Variants in CRIM1 observed in about 807,000 individuals in gnomAD.
CRIM1 encodes the protein cysteine rich transmembrane BMP regulator 1.
CRIM1 carries 32 observed loss-of-function variants against 116.4 expected under a neutral mutation model. The observed-to-expected ratio is 0.27, with a 90% CI of 0.21 to 0.37. CRIM1 has a LOEUF of 0.37. Ranked by LOEUF, CRIM1 falls within the 10% of genes least tolerant of loss-of-function variation. The probability of loss-of-function intolerance (pLI) is 1.00; values close to 1 mark genes in which losing one functional copy is unlikely to be tolerated. For synonymous variants in CRIM1, 590 were observed against 509.2 expected (o/e 1.16, Z -2.13); for missense variants, 1,331 against 1,354.8 (o/e 0.98, Z 0.28).
At chr2:36,359,461 G>C (rs1669078278) in intron 1 of CRIM1, among the ~76,000 whole-genome samples, 2 of 152,270 alleles carry the variant, frequency 1.3e-5, no homozygotes, top group Non-Finnish European at 1.5e-5. Flanking sequence ...AAATGAGTTA[G>C]ATAAATCATG....
intron 6 of CRIM1, among the ~76,000 whole-genome samples, chr2:36,478,326 A>G (rs528149490): frequency 6.6e-6 from 1 of 152,210 alleles, no homozygotes. Context: ...TTTGTTCCCT[A>G]CCTGCCCCCA....
intron 2 of CRIM1, among the ~76,000 whole-genome samples, chr2:36,429,145 A>G (rs1674679346): frequency 6.6e-6 from 1 of 152,250 alleles, no homozygotes; most frequent in Admixed American, 6.5e-5. Flanking sequence ...CCCAATCCCC[A>G]TAACATTTAT....
intron 8 of CRIM1, among the ~76,000 whole-genome samples, chr2:36,505,765 C>T (rs950073041): frequency 2.7e-5 from 4 of 149,950 alleles, no homozygotes; most frequent in African/African-American, 7.4e-5. Flanking sequence ...ATGATGATTC[C>T]CCATTTTTAA....
At chr2:36,531,703 T>C (rs1052008607) in intron 13 of CRIM1, 1 of 321,464 alleles carries the variant, frequency 3.1e-6, no homozygotes, top group African/African-American at 2.2e-5. Flanking sequence ...GGAATTAACA[T>C]TTCAAGGCCT....
intron 4 of CRIM1, among the ~76,000 whole-genome samples, chr2:36,452,011 A>G (rs1446963260): frequency 6.6e-6 from 1 of 152,132 alleles, no homozygotes; most frequent in Admixed American, 6.5e-5. Flanking sequence ...ATCCCTGCAT[A>G]TGCATTTTCA....
chr2:36,540,765 C>T (rs1410105903), intron 14 of CRIM1, among the ~76,000 whole-genome samples: 1 of 152,098 alleles, frequency 6.6e-6, no homozygotes, highest in African/African-American at 2.4e-5. Context: ...CAGAGAGAGA[C>T]CAGAGGCCAG....
chr2:36,452,446 C>T (rs1051574763), intron 4 of CRIM1, among the ~76,000 whole-genome samples: 4 of 152,036 alleles, frequency 2.6e-5, no homozygotes, highest in Non-Finnish European at 5.9e-5. Context: ...CCCAAAAGAG[C>T]GAGTCAACTC....
chr2:36,499,297 A>G lies in CRIM1; in HGVS notation c.1451A>G (p.Asn484Ser), dbSNP rs1680822671. ...NCTLTGKDCI[N>S]GFKRDHNGCR... ...ACTCTGACAGGGAAGGACTGCATTA[A>G]TGGTTTCAAACGCGATCACAATGGT... The change falls in exon 8 of 17, where the codon AAT (asparagine) becomes AGT (serine). Residue 484 changes from asparagine (N) to serine (S), a missense_variant. Asn to Ser is a conservative substitution (Grantham distance 46, BLOSUM62 1). Coordinates refer to ENST00000280527, the MANE Select transcript of CRIM1 (RefSeq NM_016441.3). The G allele has an allele frequency of 1.2e-6, 2 of 1,614,074 alleles. No individual in the cohort carries two copies. Among genetic ancestry groups the G allele is most frequent in the Non-Finnish European group, 8.5e-7 (1 of 1,179,970 alleles).
At chr2:36,502,713 G>C (rs142165385) in intron 8 of CRIM1, among the ~76,000 whole-genome samples, 1 of 152,280 alleles carries the variant, frequency 6.6e-6, no homozygotes, top group South Asian at 2.1e-4. Flanking sequence ...ATTATTTTAA[G>C]AGGAAGCTTT....
At position 36,356,925 on chromosome 2, in the gene CRIM1, C is replaced by G. The variant is rs1405802963; in HGVS notation, c.331+302C>G. 1.3e-5 allele frequency among the ~76,000 whole-genome samples: 2 copies of G among 152,080 alleles called. No homozygotes were observed. The highest frequency in any genetic ancestry group is 6.5e-5 in the Admixed American group (1 of 15,284). ...GCCGTTCCTGCTGGGACTGGGTGGC[C>G]CGGCCTTGCTCCCCGAGGTGGGGGC... On this transcript the variant is annotated intron_variant, in intron 1 of 16. Coordinates refer to ENST00000280527, the MANE Select transcript of CRIM1 (RefSeq NM_016441.3). This position sits in a 1 kb window ranked among gnomAD's most constrained non-coding sequence, Gnocchi z 4.3.
intron 5 of CRIM1, among the ~76,000 whole-genome samples, chr2:36,465,499 A>G (rs115158752): frequency 0.014 from 2,067 of 152,352 alleles, 50 homozygotes; most frequent in African/African-American, 0.048. Context: ...AGAAATATTC[A>G]TATCAAATAC....
In CRIM1 at chr2:36,464,973, C is replaced by G. The variant is rs74887685; in HGVS notation, c.991+318C>G. 2.4e-3 allele frequency among the ~76,000 whole-genome samples: 372 copies of G among 152,290 alleles called. 1 individual carries two copies. The highest frequency in any genetic ancestry group is 6.8e-3 in the Middle Eastern group (2 of 294). On this transcript the variant is annotated intron_variant, in intron 5 of 16. Transcript: ENST00000280527. Reference sequence around the variant, plus strand: ...GGATCCTGGAGCCTGTGAGAGTTTTCCTGCTGTCACTCAGTAACTGGTCCC... The same window carrying G: ...GGATCCTGGAGCCTGTGAGAGTTTTGCTGCTGTCACTCAGTAACTGGTCCC...
intron 7 of CRIM1, among the ~76,000 whole-genome samples, chr2:36,489,659 G>A (rs1055629376): frequency 2.6e-5 from 4 of 152,174 alleles, no homozygotes; most frequent in African/African-American, 7.2e-5. Context: ...AGATCTGCTC[G>A]TTAAAGACAG....
intron 1 of CRIM1, among the ~76,000 whole-genome samples, chr2:36,366,532 A>G (rs962862617): frequency 1.3e-5 from 2 of 152,128 alleles, no homozygotes; most frequent in African/African-American, 2.4e-5. Flanking sequence ...TTGCCTATGG[A>G]AAGATTAAAA....
At chr2:36,416,104 A>G (rs1673598558) in intron 2 of CRIM1, among the ~76,000 whole-genome samples, 1 of 152,118 alleles carries the variant, frequency 6.6e-6, no homozygotes, top group Admixed American at 6.5e-5. Context: ...GCTACTCAGG[A>G]GGCTGAGGCA....
chr2:36,356,857 G>C lies in CRIM1; in HGVS notation c.331+234G>C, dbSNP rs1668849716. Among the ~76,000 whole-genome samples the C allele has an allele frequency of 1.3e-5, 2 of 152,156 alleles. No homozygotes were observed. Among genetic ancestry groups the C allele is most frequent in the Admixed American group, 1.3e-4 (2 of 15,292 alleles). On this transcript the variant is annotated intron_variant, in intron 1 of 16. Coordinates refer to ENST00000280527, the MANE Select transcript of CRIM1 (RefSeq NM_016441.3). The surrounding 1 kb of genome is among the most constrained non-coding windows in gnomAD (Gnocchi z 4.3). ...GGGTATGGTGGGTGGGGGCGAGCGA[G>C]TGGAGGATCGCCCCTGTCCCCGCGC... is the stretch of plus-strand genomic sequence containing the variant.
chr2:36,356,666 C>T lies in CRIM1; in HGVS notation c.331+43C>T. On this transcript the variant is annotated intron_variant, in intron 1 of 16. Coordinates refer to ENST00000280527, the MANE Select transcript of CRIM1 (RefSeq NM_016441.3). This position sits in a 1 kb window ranked among gnomAD's most constrained non-coding sequence, Gnocchi z 4.3. ...GGGCCCCCTCCCACCTGGCCTGCGC[C>T]GCCCCCTCGGCGCTGGTTGTGCCGA... is the stretch of plus-strand genomic sequence containing the variant. The T allele has an allele frequency of 6.4e-7, 1 of 1,556,804 alleles. No homozygotes were observed. The highest frequency in any genetic ancestry group is 8.7e-7 in the Non-Finnish European group (1 of 1,151,194).
At chr2:36,529,762 T>C (rs2125147773) in intron 13 of CRIM1, among the ~76,000 whole-genome samples, 1 of 152,334 alleles carries the variant, frequency 6.6e-6, no homozygotes, top group East Asian at 1.9e-4. Flanking sequence ...TTTGTAGAAC[T>C]AGGACTTGGA....
intron 1 of CRIM1, among the ~76,000 whole-genome samples, chr2:36,373,621 C>T (rs935574325): frequency 2.0e-5 from 3 of 152,104 alleles, no homozygotes; most frequent in African/African-American, 4.8e-5. Context: ...TCATCATTTG[C>T]GGAGCCGGTG....
Sources: gnomAD v4.1 joint callset for allele counts (sites outside exome capture counted in the v4.1 genomes callset) on GRCh38, gnomAD v4.1.1 for gene constraint, Gnocchi (gnomAD v3.1) non-coding constraint, MANE v1.5 for transcripts, NCBI Gene and HGNC (gene_info 2026-07-23, HGNC 2026-07-21) for gene names.